The following KCNH4 variants were observed in gnomAD, a reference collection of about 807,000 sequenced individuals.
The protein encoded by KCNH4 is potassium voltage-gated channel subfamily H member 4.
Under a neutral mutation model 90.7 loss-of-function variants are expected in KCNH4, and 33 were observed. That is an observed-to-expected ratio of 0.36 (90% CI 0.28 to 0.49). The LOEUF is 0.49. Ranked by LOEUF, KCNH4 falls within the 20% of genes least tolerant of loss-of-function variation. The pLI is 0.98. For synonymous variants in KCNH4, 551 were observed against 581.7 expected (o/e 0.95, Z 0.76); for missense variants, 1,044 against 1,387.1 (o/e 0.75, Z 3.93).
Position 42,160,007 on chromosome 17 carries a change from C to T in KCNH4, c.*33G>A. 6.8e-7 allele frequency: 1 copy of T among 1,466,792 alleles called. No homozygotes were observed. Among genetic ancestry groups the T allele is most frequent in the Non-Finnish European group, 9.1e-7 (1 of 1,104,786 alleles). The allele number at this position is 1,466,792 out of a possible 1,614,324, so 90.9% of individuals were successfully genotyped here. A position where few individuals can be genotyped will look rare whatever the true frequency, so the allele number is the denominator to read the frequency against. ...CTCCCTGAGTGGTGAGCGGCAGCGC[C>T]CACCCCAGACAGGCCTGGGCCCTGG... is the stretch of plus-strand genomic sequence containing the variant. On this transcript the variant is annotated 3_prime_UTR_variant, in exon 16 of 17. Transcript: ENST00000264661.
At position 42,160,185 on chromosome 17, in the gene KCNH4, G is replaced by A. The variant is rs779837977; in HGVS notation, c.2909C>T (p.Ala970Val). 13 of 1,613,750 alleles carry A rather than the reference G, an allele frequency of 8.1e-6. No individual in the cohort carries two copies. The highest frequency in any genetic ancestry group is 4.5e-5 in the East Asian group (2 of 44,866). ...ASVGTMETGT[A>V]LLDLRPSILP... ...TATGGAAGGTCTCAAGTCCAGGAGCGCAGTCCCTGTCTCCATGGTCCCCAC... is the reference window on the plus strand; with the variant it reads ...TATGGAAGGTCTCAAGTCCAGGAGCACAGTCCCTGTCTCCATGGTCCCCAC... The change falls in exon 16 of 17, where the codon GCG (alanine) becomes GTG (valine). Residue 970 changes from alanine to valine, a missense_variant. Transcript: ENST00000264661.
At chr17:42,167,127 C>T (rs1256255843) in intron 9 of KCNH4, among the ~76,000 whole-genome samples, 3 of 152,084 alleles carry the variant, frequency 2.0e-5, no homozygotes, top group South Asian at 2.1e-4. Context: ...CTTACTTCCT[C>T]ATTTCCTCTC....
At chr17:42,167,185 C>G (rs1457270423) in intron 9 of KCNH4, among the ~76,000 whole-genome samples, 7 of 152,160 alleles carry the variant, frequency 4.6e-5, no homozygotes, top group Admixed American at 2.0e-4. Flanking sequence ...TTTCCACACT[C>G]TCCCTGCATC....
Position 42,181,002 on chromosome 17 carries a change from C to A in KCNH4, c.-57G>T. 3 of 1,529,764 alleles carry A rather than the reference C, an allele frequency of 2.0e-6. No homozygotes were observed. The highest frequency in any genetic ancestry group is 1.8e-5 in the Admixed American group (1 of 55,348). The allele number at this position is 1,529,764 out of a possible 1,614,324, so 94.8% of individuals were successfully genotyped here. A position where few individuals can be genotyped will look rare whatever the true frequency, so the allele number is the denominator to read the frequency against. On this transcript the variant is annotated 5_prime_UTR_variant, in exon 1 of 17. Coordinates refer to ENST00000264661, the MANE Select transcript of KCNH4 (RefSeq NM_012285.3). ...TGGGGAGCTTTCAGCGCGGCCGGGC[C>A]GGAGGGGGCGCGCTGTCGGAGGGGC...
At chr17:42,172,854 G>T (rs768023047) in intron 6 of KCNH4, among the ~76,000 whole-genome samples, 1 of 151,784 alleles carries the variant, frequency 6.6e-6, no homozygotes, top group Non-Finnish European at 1.5e-5. Flanking sequence ...ATTGTGATGG[G>T]GACCCCCCTT....
intron 15 of KCNH4, among the ~76,000 whole-genome samples, chr17:42,161,333 AGCCCCGCTCAG>A (rs890190697): frequency 3.3e-5 from 5 of 152,214 alleles, no homozygotes; most frequent in Non-Finnish European, 7.3e-5. Context: ...AACAAGAGCC[AGCCCCGCTCAG>A]GCCCCAGGGC....
chr17:42,171,161 G>C (rs1006226899), intron 7 of KCNH4, among the ~76,000 whole-genome samples: 1 of 152,090 alleles, frequency 6.6e-6, no homozygotes, highest in African/African-American at 2.4e-5. Flanking sequence ...GGTGGTTGTG[G>C]GGGGGATGAG....
chr17:42,158,089 A>G (rs546757023), intron 16 of KCNH4, among the ~76,000 whole-genome samples: 1 of 151,532 alleles, frequency 6.6e-6, no homozygotes, highest in Admixed American at 6.6e-5. Context: ...CCACCATCCC[A>G]GCTAATGTTT....
At chr17:42,169,879 G>C (rs759602950) in intron 8 of KCNH4, among the ~76,000 whole-genome samples, 1 of 152,204 alleles carries the variant, frequency 6.6e-6, no homozygotes, top group Non-Finnish European at 1.5e-5. Context: ...CCCACCATTA[G>C]GTCATGAACC....
Position 42,169,540 on chromosome 17 carries a change from C to T in KCNH4, c.1527G>A (p.Lys509=), listed in dbSNP as rs1163922486. Residue 509 remains lysine (K), a synonymous_variant, in exon 9 of 17, where the codon AAG becomes AAA. Transcript: ENST00000264661. The part of the protein sequence containing the change: ...IRVHRLPRPL[K]QRMLEYFQTT... ...TCTGGAAGTATTCGAGCATGCGCTG[C>T]TTGAGCGGCCGCGGCAGGCGGTGCA... The T allele has an allele frequency of 6.2e-7, 1 of 1,613,574 alleles. No homozygotes were observed. The highest frequency in any genetic ancestry group is 1.7e-5 in the Admixed American group (1 of 60,030).
chr17:42,171,796 C>G lies in KCNH4; in HGVS notation c.1187G>C (p.Trp396Ser). 1 of 1,614,072 alleles carries G rather than the reference C, an allele frequency of 6.2e-7. No individual in the cohort carries two copies. The highest frequency in any genetic ancestry group is 8.5e-7 in the Non-Finnish European group (1 of 1,180,022). ...REMEANDPLL[W>S]DIGWLHELGK... ...TGGGGTCGGTGGCTCACCAATGTCCCAGAGCAGCGGGTCATTGGCCTCCAT... is the reference window on the plus strand; with the variant it reads ...TGGGGTCGGTGGCTCACCAATGTCCGAGAGCAGCGGGTCATTGGCCTCCAT... The change falls in exon 7 of 17, where the codon TGG becomes TCG. Residue 396 changes from tryptophan to serine, a missense_variant. By Grantham distance (177) the Trp-to-Ser change is radical. Coordinates refer to ENST00000264661, the MANE Select transcript of KCNH4 (RefSeq NM_012285.3).
rs2079713750 is a variant in KCNH4, at chr17:42,156,901, AAG to A, written c.*525_*526del. On this transcript the variant is annotated 3_prime_UTR_variant, in exon 17 of 17. Coordinates refer to ENST00000264661, the MANE Select transcript of KCNH4 (RefSeq NM_012285.3). ...CCCAGAGCCAATAACTACAAAAATAAAGAGTTTATTTCCTATCCAAAAGTGAG... is the reference window on the plus strand; with the variant it reads ...CCCAGAGCCAATAACTACAAAAATAAAGTTTATTTCCTATCCAAAAGTGAG... 6.6e-6 allele frequency: 1 copy of A among 152,310 alleles called. No homozygotes were observed. The allele number at this position is 152,310 out of a possible 1,614,324, so 9.4% of individuals were successfully genotyped here.
intron 15 of KCNH4, 145 bp downstream of exon 15, chr17:42,162,103 C>T: frequency 1.6e-6 from 1 of 621,606 alleles, no homozygotes; most frequent in Admixed American, 2.8e-5. Flanking sequence ...ACTACAGGTG[C>T]CTGGCTAATT....
intron 16 of KCNH4, among the ~76,000 whole-genome samples, chr17:42,158,773 T>C (rs2079725387): frequency 1.3e-5 from 2 of 151,276 alleles, no homozygotes; most frequent in Admixed American, 1.3e-4. Context: ...AGGCGGAGCT[T>C]GTAGTGAGCT....
intron 11 of KCNH4, 96 bp from the exon 12 acceptor site, chr17:42,164,264 A>G (rs2079770923): frequency 2.3e-5 from 26 of 1,112,082 alleles, no homozygotes; most frequent in Non-Finnish European, 2.5e-6. Flanking sequence ...TGGGGTTGAG[A>G]ATGTGGAGTC....
At position 42,178,437 on chromosome 17, in the gene KCNH4, C is replaced by T; in HGVS notation, c.351G>A (p.Lys117=). The T allele has an allele frequency of 6.2e-7, 1 of 1,614,176 alleles. No homozygotes were observed. The highest frequency in any genetic ancestry group is 8.5e-7 in the Non-Finnish European group (1 of 1,180,002). Residue 117 remains lysine, a synonymous_variant, in exon 3 of 17, where the codon AAG becomes AAA. Coordinates refer to ENST00000264661, the MANE Select transcript of KCNH4 (RefSeq NM_012285.3). ...FWCLLDMMPI[K]NEMGEVVLFL... ...ACAGCACGACCTCCCCCATCTCATT[C>T]TTGATGGGCATCATGTCCAGGAGGC...
In KCNH4 at chr17:42,163,678, G is replaced by A. The variant is rs888598506; in HGVS notation, c.2405C>T (p.Ser802Phe). Residue 802 changes from serine (S) to phenylalanine (F), a missense_variant, in exon 13 of 17, where the codon TCT becomes TTT. Transcript: ENST00000264661. The surrounding 1 kb of genome is among the most constrained non-coding windows in gnomAD (Gnocchi z 5.4). ...SASPHGPPRC[S>F]AAWKPPQLLI... is the part of the protein sequence containing the mutation. Reference sequence around the variant, plus strand: ...AAGCTGAGGGGGCTTCCAGGCAGCAGAGCACCTGGGGGGGCCGTGAGGGGA... The same window carrying A: ...AAGCTGAGGGGGCTTCCAGGCAGCAAAGCACCTGGGGGGGCCGTGAGGGGA... 6.6e-6 allele frequency: 10 copies of A among 1,508,542 alleles called. No homozygotes were observed. The East Asian group carries it at 2.3e-4, about 35-fold the overall frequency. 93.4% of individuals were successfully genotyped at this position (1,508,542 alleles called of 1,614,324 possible).
intron 9 of KCNH4, among the ~76,000 whole-genome samples, chr17:42,169,226 T>G (rs2079808907): frequency 6.6e-6 from 1 of 152,096 alleles, no homozygotes; most frequent in Admixed American, 6.6e-5. Flanking sequence ...ATTACAGGCG[T>G]GCACCACCAC....
chr17:42,158,633 A>C (rs1218251436), intron 16 of KCNH4, among the ~76,000 whole-genome samples: 3 of 151,348 alleles, frequency 2.0e-5, no homozygotes, highest in Non-Finnish European at 4.4e-5. Context: ...CAGGAGATTG[A>C]GACCATCCTG....
Sources: allele counts gnomAD v4.1 joint callset (sites outside exome capture counted in the v4.1 genomes callset), GRCh38; gene constraint gnomAD v4.1.1; non-coding constraint Gnocchi (gnomAD v3.1); transcripts MANE v1.5; gene names NCBI Gene and HGNC (gene_info 2026-07-23, HGNC 2026-07-21).